Variants in IL7R observed in about 807,000 individuals in gnomAD.
IL7R encodes interleukin-7 receptor subunit alpha.
A neutral mutation model predicts 47.0 loss-of-function variants in IL7R; 38 were observed. The observed-to-expected ratio is 0.81, with a 90% CI of 0.62 to 1.06. IL7R has a LOEUF of 1.06. Ranked by LOEUF, IL7R falls within the 50% of genes least tolerant of loss-of-function variation. IL7R has a pLI of 0.00. For synonymous variants in IL7R, 221 were observed against 199.8 expected, an observed-to-expected ratio of 1.11 and a Z score of -0.89; for missense variants, 633 against 534.8, an observed-to-expected ratio of 1.18 and a Z score of -1.81.
chr5:35,859,739 T>C (rs1330281359), intron 1 of IL7R, among the ~76,000 whole-genome samples: 1 of 152,164 alleles, frequency 6.6e-6, no homozygotes, highest in Admixed American at 6.5e-5. Flanking sequence ...CGGACAGCCC[T>C]TGGTCTCTGG....
Position 35,879,054 on chromosome 5 carries a change from G to C in IL7R, c.*2568G>C, listed in dbSNP as rs6881706. The C allele has an allele frequency of 4.3e-6, 1 of 232,344 alleles. No homozygotes were observed. The highest frequency in any genetic ancestry group is 2.2e-5 in the African/African-American group (1 of 45,224). The allele number at this position is 232,344 out of a possible 1,614,324, so 14.4% of individuals were successfully genotyped here. A position where few individuals can be genotyped will look rare whatever the true frequency, so the allele number is the denominator to read the frequency against. On this transcript the variant is annotated 3_prime_UTR_variant, in exon 8 of 8. Transcript: ENST00000303115. ...TAATGTAAGATTACTAATTGGTTCT[G>C]CCCAATCTCCTTTCAGATTTTATTA...
chr5:35,876,941 G>A lies in IL7R; in HGVS notation c.*455G>A, dbSNP rs968356470. On this transcript the variant is annotated 3_prime_UTR_variant, in exon 8 of 8. Coordinates refer to ENST00000303115, the MANE Select transcript of IL7R (RefSeq NM_002185.5). Reference sequence around the variant, plus strand: ...CATCCTGACAATAATCCTGGGAGGTGTGTGCAATTACTACGACTACTCTCT... The same window carrying A: ...CATCCTGACAATAATCCTGGGAGGTATGTGCAATTACTACGACTACTCTCT... 2 of 255,476 alleles carry A rather than the reference G, an allele frequency of 7.8e-6. No homozygotes were observed. The highest frequency in any genetic ancestry group is 1.5e-5 in the Non-Finnish European group (2 of 131,160). 15.8% of individuals were successfully genotyped at this position (255,476 alleles called of 1,614,324 possible). A position where few individuals can be genotyped will look rare whatever the true frequency, so the allele number is the denominator to read the frequency against.
chr5:35,857,099 C>T (rs777505364), intron 1 of IL7R, 40 bp downstream of exon 1: 1 of 1,268,700 alleles, frequency 7.9e-7, no homozygotes. Context: ...TTTGGATTAT[C>T]TGTAGCATGG....
At chr5:35,858,386 A>T (rs898607990) in intron 1 of IL7R, among the ~76,000 whole-genome samples, 1 of 152,174 alleles carries the variant, frequency 6.6e-6, no homozygotes, top group Non-Finnish European at 1.5e-5. Flanking sequence ...GAAGAAAGGG[A>T]TACTTTTTAA....
rs1760058482 is a variant in IL7R, at chr5:35,870,940, G to A, written c.380-116G>A. On this transcript the variant is annotated intron_variant, in intron 3 of 7. Transcript: ENST00000303115. ...AGAAGAAATGGTTTTCTGAATAGTT[G>A]GCCATTTACTGACACAAAAAGGGTC... The A allele has an allele frequency of 2.3e-5, 19 of 840,034 alleles. No individual in the cohort carries two copies. In the South Asian group the frequency reaches 2.6e-4, roughly 12 times the overall value. 52.0% of individuals were successfully genotyped at this position (840,034 alleles called of 1,614,324 possible). A position where few individuals can be genotyped will look rare whatever the true frequency, so the allele number is the denominator to read the frequency against.
At chr5:35,875,884 T>C in intron 7 of IL7R, 99 bp from the exon 8 acceptor site, 1 of 1,301,284 alleles carries the variant, frequency 7.7e-7, no homozygotes, top group Non-Finnish European at 1.1e-6. Flanking sequence ...TCTGTGACAT[T>C]CCCTGTCAGA....
Position 35,877,006 on chromosome 5 carries a change from A to C in IL7R, c.*520A>C. 1 of 241,632 alleles carries C rather than the reference A, an allele frequency of 4.1e-6. No individual in the cohort carries two copies. The allele number at this position is 241,632 out of a possible 1,614,324, so 15.0% of individuals were successfully genotyped here. ...TAAATTCAGAACTAAGGAGTTAAGT[A>C]ACTTGTCCAAGTTGTTCACACAGTG... On this transcript the variant is annotated 3_prime_UTR_variant, in exon 8 of 8. Transcript: ENST00000303115.
intron 5 of IL7R, among the ~76,000 whole-genome samples, chr5:35,874,032 C>G (rs1760144275): frequency 6.6e-6 from 1 of 152,148 alleles, no homozygotes; most frequent in African/African-American, 2.4e-5. Flanking sequence ...GTGCGGCTGT[C>G]CTATGTCTCC....
chr5:35,857,742 C>A (rs1202559099), intron 1 of IL7R, among the ~76,000 whole-genome samples: 1 of 152,000 alleles, frequency 6.6e-6, no homozygotes, highest in Admixed American at 6.6e-5. Context: ...AAACTTAGTA[C>A]CGAGAAGCCA....
intron 1 of IL7R, among the ~76,000 whole-genome samples, chr5:35,858,508 G>C (rs1759719760): frequency 6.6e-6 from 1 of 152,004 alleles, no homozygotes; most frequent in South Asian, 2.1e-4. Flanking sequence ...AAATTTTTAT[G>C]GATAAATATG....
chr5:35,865,665 G>A (rs1285376136), intron 2 of IL7R, among the ~76,000 whole-genome samples: 4 of 152,238 alleles, frequency 2.6e-5, no homozygotes, highest in Non-Finnish European at 5.9e-5. Context: ...ACTGGTGTGA[G>A]ATGGTATGTC....
intron 2 of IL7R, among the ~76,000 whole-genome samples, chr5:35,866,963 A>G (rs1421390396): frequency 6.6e-6 from 1 of 152,156 alleles, no homozygotes; most frequent in African/African-American, 2.4e-5. Context: ...ATTCCTATGG[A>G]ACATCAAAAA....
intron 5 of IL7R, 135 bp downstream of exon 5, chr5:35,873,783 G>T: frequency 1.2e-6 from 1 of 821,878 alleles, no homozygotes; most frequent in Non-Finnish European, 2.1e-6. Flanking sequence ...CACTTTCTTT[G>T]GAGAATGACT....
chr5:35,868,976 T>C (rs1428563118), intron 3 of IL7R, among the ~76,000 whole-genome samples: 1 of 152,128 alleles, frequency 6.6e-6, no homozygotes, highest in East Asian at 1.9e-4. Flanking sequence ...GTACACACAC[T>C]GCTGATGGCA....
intron 6 of IL7R, 99 bp from the exon 7 acceptor site, chr5:35,875,413 A>C: frequency 1.1e-6 from 1 of 879,814 alleles, no homozygotes; most frequent in South Asian, 1.4e-5. Context: ...CAAGACTAGA[A>C]ATCTGTTCTT....
At position 35,873,512 on chromosome 5, in the gene IL7R, C is replaced by G. The variant is rs200528373; in HGVS notation, c.570C>G (p.Leu190=). Residue 190 remains leucine, a synonymous_variant, in exon 5 of 8, where the codon CTC becomes CTG. Coordinates refer to ENST00000303115, the MANE Select transcript of IL7R (RefSeq NM_002185.5). The part of the protein sequence containing the change: ...HVNLSSTKLT[L]LQRKLQPAAM... Reference sequence around the variant, plus strand: ...ATTTATCCAGCACAAAGCTGACACTCCTGCAGAGAAAGCTCCAACCGGCAG... The same window carrying G: ...ATTTATCCAGCACAAAGCTGACACTGCTGCAGAGAAAGCTCCAACCGGCAG... 4.3e-6 allele frequency: 7 copies of G among 1,613,910 alleles called. No individual in the cohort carries two copies. The highest frequency in any genetic ancestry group is 5.9e-6 in the Non-Finnish European group (7 of 1,179,932).
intron 5 of IL7R, 45 bp downstream of exon 5, chr5:35,873,693 A>C (rs1760133175): frequency 6.4e-7 from 1 of 1,574,502 alleles, no homozygotes; most frequent in Non-Finnish European, 8.7e-7. Context: ...AGTGCTTTGC[A>C]TGTCAAAGTG....
At position 35,867,510 on chromosome 5, in the gene IL7R, G is replaced by A. The variant is rs553008239; in HGVS notation, c.379+47G>A. On this transcript the variant is annotated intron_variant, in intron 3 of 7. Transcript: ENST00000303115. ...TATGGTTGTCACTTTTGGGCTACCT[G>A]AAAACACTGTGTCTGGACATTCTGT... 10 of 1,470,224 alleles carry A rather than the reference G, an allele frequency of 6.8e-6. No homozygotes were observed. The East Asian group carries it at 1.4e-4, about 20-fold the overall frequency. 91.1% of individuals were successfully genotyped at this position (1,470,224 alleles called of 1,614,324 possible).
rs549460344 is a variant in IL7R at position 35,874,515 on chromosome 5, T to C, written c.773T>C (p.Ile258Thr). 2.5e-6 allele frequency: 4 copies of C among 1,613,436 alleles called. No homozygotes were observed. The African/African-American group carries it at 5.3e-5, about 22-fold the overall frequency. ...LSFFSVALLV[I>T]LACVLWKKRI... is the part of the protein sequence containing the mutation. ...TTTTTCTCTGTCGCTCTGTTGGTCATCTTGGCCTGTGTGTTATGGAAAAAA... is the reference window on the plus strand; with the variant it reads ...TTTTTCTCTGTCGCTCTGTTGGTCACCTTGGCCTGTGTGTTATGGAAAAAA... The change falls in exon 6 of 8, where the codon ATC (isoleucine) becomes ACC (threonine). Residue 258 changes from isoleucine (I) to threonine (T), a missense_variant. Coordinates refer to ENST00000303115, the MANE Select transcript of IL7R (RefSeq NM_002185.5).
Sources: gnomAD v4.1 joint callset for allele counts (sites outside exome capture counted in the v4.1 genomes callset) on GRCh38, gnomAD v4.1.1 for gene constraint, MANE v1.5 for transcripts, NCBI Gene and HGNC (gene_info 2026-07-23, HGNC 2026-07-21) for gene names.